Variants in DNAH1 observed in about 807,000 individuals in gnomAD.
DNAH1 encodes axonemal beta dynein heavy chain 1.
In DNAH1, 327 loss-of-function variants were observed where a neutral mutation model predicts 484.3. The ratio of observed to expected loss-of-function variants is 0.68; its 90% CI spans 0.62 to 0.74. The LOEUF is 0.74. Among genes scored for constraint, DNAH1 ranks in the 30% least tolerant of loss-of-function variants. The pLI, the probability that DNAH1 is intolerant of heterozygous loss-of-function variation, is 0.00. For missense variants in DNAH1, 5,052 were observed against 5,546.8 expected (o/e 0.91, Z 2.83); for synonymous variants, 2,192 against 2,191.9 (o/e 1.00, Z 0.00).
At chr3:52,369,696 C>A in intron 37 of DNAH1, 129 bp from the exon 38 acceptor site, 1 of 997,540 alleles carries the variant, frequency 1.0e-6, no homozygotes, top group Non-Finnish European at 1.5e-6. Flanking sequence ...CCCAGCACTG[C>A]CCCTGCCCCA....
At position 52,353,110 on chromosome 3, in the gene DNAH1, A is replaced by G; in HGVS notation, c.3035A>G (p.Lys1012Arg). The G allele has an allele frequency of 1.2e-6, 2 of 1,612,916 alleles. No individual in the cohort carries two copies. Among genetic ancestry groups the G allele is most frequent in the Non-Finnish European group, 1.7e-6 (2 of 1,179,260 alleles). ...IFSLPITNYD[K>R]LSRMVKEFQP... ...GCCCTCCTGTCCCTGCAGTATGACA[A>G]GCTCTCCAGGATGGTGAAGGAGTTC... Residue 1012 changes from lysine to arginine, a missense_variant, in exon 19 of 78, where the codon AAG (lysine) becomes AGG (arginine). Lys to Arg is a conservative substitution (Grantham distance 26). Transcript: ENST00000420323. The surrounding 1 kb of genome is among the most constrained non-coding windows in gnomAD (Gnocchi z 5.0).
Position 52,347,934 on chromosome 3 carries a change from A to G in DNAH1, c.2066A>G (p.Lys689Arg), listed in dbSNP as rs1025506616. 25 of 1,610,874 alleles carry G rather than the reference A, an allele frequency of 1.6e-5. No individual in the cohort carries two copies. Among genetic ancestry groups the G allele is most frequent in the Non-Finnish European group, 2.0e-5 (24 of 1,178,670 alleles). Residue 689 changes from lysine to arginine, a missense_variant, in exon 12 of 78, where the codon AAG becomes AGG. By Grantham distance (26) the Lys-to-Arg change is conservative. Transcript: ENST00000420323. ...GCATCTCTGCTGAACCTCTTCGACA[A>G]GGGCATCCTGGCCACCCATGCCGTG... ...FEASLLNLFD[K>R]GILATHAVPQ...
chr3:52,335,388 A>G (rs1187354697), intron 8 of DNAH1, among the ~76,000 whole-genome samples: 1 of 141,324 alleles, frequency 7.1e-6, no homozygotes, highest in East Asian at 2.0e-4. Flanking sequence ...TTTTTAAACA[A>G]AAAAAGCAAT....
At chr3:52,370,346 A>G in intron 39 of DNAH1, 117 bp downstream of exon 39, 1 of 1,530,990 alleles carries the variant, frequency 6.5e-7, no homozygotes, top group Non-Finnish European at 8.9e-7. Flanking sequence ...AACATGGACA[A>G]GACCACCTGT....
intron 15 of DNAH1, 57 bp from the exon 16 acceptor site, chr3:52,350,451 G>C: frequency 1.9e-6 from 3 of 1,545,522 alleles, no homozygotes; most frequent in Non-Finnish European, 2.7e-6. Context: ...GCCAGGTTCC[G>C]ATTACCCACC....
Position 52,389,541 on chromosome 3 carries a change from G to A in DNAH1, c.9576G>A (p.Thr3192=), listed in dbSNP as rs891092337. Residue 3192 remains threonine (T), a synonymous_variant, in exon 60 of 78, where the codon ACG becomes ACA. Transcript: ENST00000420323. ...ATGTCCCACACACCTCCGAGCCCAC[G>A]CTAATCGGGACGCTGGGGAACCCTG... ...SHNVPHTSEP[T]LIGTLGNPVK... The A allele has an allele frequency of 3.8e-6, 6 of 1,569,408 alleles. No homozygotes were observed. Among genetic ancestry groups the A allele is most frequent in the Admixed American group, 1.9e-5 (1 of 53,050 alleles).
chr3:52,347,956 C>T lies in DNAH1; in HGVS notation c.2088C>T (p.Ala696=), dbSNP rs1183792020. The stretch of plus-strand genomic sequence containing the variant: ...ACAAGGGCATCCTGGCCACCCATGC[C>T]GTGCCCCAGCTGGAGAAGGTACGTG... The part of the protein sequence containing the change: ...LFDKGILATH[A]VPQLEKLVME... Residue 696 remains alanine, a synonymous_variant, in exon 12 of 78, where the codon GCC becomes GCT. Transcript: ENST00000420323. 8.1e-6 allele frequency: 13 copies of T among 1,609,776 alleles called. No individual in the cohort carries two copies. The highest frequency in any genetic ancestry group is 5.6e-5 in the South Asian group (5 of 90,002).
In DNAH1 at chr3:52,398,117, T is replaced by C. The variant is rs1234783071; in HGVS notation, c.12044T>C (p.Leu4015Pro). 1.9e-6 allele frequency: 3 copies of C among 1,613,780 alleles called. No homozygotes were observed. The highest frequency in any genetic ancestry group is 2.5e-6 in the Non-Finnish European group (3 of 1,179,852). The change falls in exon 75 of 78, where the codon CTG becomes CCG. Residue 4015 changes from leucine to proline, a missense_variant. By Grantham distance (98) the Leu-to-Pro change is moderately conservative (BLOSUM62 -3). Coordinates refer to ENST00000420323, the MANE Select transcript of DNAH1 (RefSeq NM_015512.5). ...LQWVMAKYPV[L>P]YEESMNTVLV... ...TGGGTGATGGCCAAGTACCCAGTGC[T>C]GTATGAGGAATCAATGAACACAGTA...
rs1466221701 is a variant in DNAH1, at chr3:52,360,419, C to T, written c.4680C>T (p.Thr1560=). 13 of 1,612,834 alleles carry T rather than the reference C, an allele frequency of 8.1e-6. No individual in the cohort carries two copies. Among genetic ancestry groups the T allele is most frequent in the African/African-American group, 4.0e-5 (3 of 74,908 alleles). The part of the protein sequence containing the change: ...NSGRLVITPL[T]DRCYLTLTGA... Reference sequence around the variant, plus strand: ...GGAGGCTGGTGATCACGCCCCTCACCGACAGGTAAGCGTTCCCCTCTTGCT... The same window carrying T: ...GGAGGCTGGTGATCACGCCCCTCACTGACAGGTAAGCGTTCCCCTCTTGCT... Residue 1560 remains threonine, a synonymous_variant, in exon 28 of 78, where the codon ACC becomes ACT. Coordinates refer to ENST00000420323, the MANE Select transcript of DNAH1 (RefSeq NM_015512.5).
rs377116066 is a variant in DNAH1, at chr3:52,361,076, G to A, written c.4686-88G>A. 8 of 1,262,002 alleles carry A rather than the reference G, an allele frequency of 6.3e-6. No homozygotes were observed. Among genetic ancestry groups the A allele is most frequent in the South Asian group, 2.2e-5 (1 of 44,552 alleles). 78.2% of individuals were successfully genotyped at this position (1,262,002 alleles called of 1,614,324 possible). ...CCAGCCCACCAAAAGGGGACGGGGC[G>A]AGAGGCCCCAGTCCACAGGAAATTC... is the stretch of plus-strand genomic sequence containing the variant. On this transcript the variant is annotated intron_variant, in intron 28 of 77. Transcript: ENST00000420323. This position sits in a 1 kb window ranked among gnomAD's most constrained non-coding sequence, Gnocchi z 5.6.
At position 52,326,196 on chromosome 3, in the gene DNAH1, G is replaced by A. The variant is rs549687186; in HGVS notation, c.463G>A (p.Gly155Arg). 7.4e-6 allele frequency: 12 copies of A among 1,612,778 alleles called. No homozygotes were observed. The Admixed American group carries it at 8.3e-5, about 11-fold the overall frequency. ...FQERMEQQCIGSTTRLLAQTD... is the reference protein window; with the variant it reads ...FQERMEQQCIRSTTRLLAQTD... ...GGAGCGCATGGAGCAGCAGTGCATC[G>A]GGTCCACCACCCGGCTGCTCGCCCA... The change falls in exon 4 of 78, where the codon GGG (glycine) becomes AGG (arginine). Residue 155 changes from glycine (G) to arginine (R), a missense_variant. Physicochemically the swap from Gly to Arg is moderately radical, Grantham distance 125. This residue lies in a region of DNAH1 where 1,263 missense variants were observed against 1,218.8 expected (regional missense o/e 1.04). Coordinates refer to ENST00000420323, the MANE Select transcript of DNAH1 (RefSeq NM_015512.5).
chr3:52,372,208 G>A lies in DNAH1; in HGVS notation c.6667-19G>A. Reference sequence around the variant, plus strand: ...CACCAGGCCCACCGCATGCTCCTGTGCCATCCCCGCTCTGCCAGGTGCTGT... The same window carrying A: ...CACCAGGCCCACCGCATGCTCCTGTACCATCCCCGCTCTGCCAGGTGCTGT... On this transcript the variant is annotated intron_variant, in intron 42 of 77. Coordinates refer to ENST00000420323, the MANE Select transcript of DNAH1 (RefSeq NM_015512.5). The A allele has an allele frequency of 6.2e-7, 1 of 1,613,348 alleles. No homozygotes were observed. The highest frequency in any genetic ancestry group is 8.5e-7 in the Non-Finnish European group (1 of 1,179,664).
At chr3:52,359,429 A>G (rs1291822551) in intron 26 of DNAH1, 43 bp downstream of exon 26, 3 of 1,554,064 alleles carry the variant, frequency 1.9e-6, no homozygotes, top group East Asian at 2.4e-5. Context: ...TCCACCCCCT[A>G]CATGGCACAG....
At chr3:52,359,169 C>G in intron 25 of DNAH1, 77 bp from the exon 26 acceptor site, 1 of 1,522,430 alleles carries the variant, frequency 6.6e-7, no homozygotes, top group Non-Finnish European at 8.8e-7. Flanking sequence ...AGAGCACAGA[C>G]AGCATTCAGA....
In DNAH1 at chr3:52,392,866, A is replaced by G. The variant is rs768978466; in HGVS notation, c.10315A>G (p.Ile3439Val). The change falls in exon 65 of 78, where the codon ATC becomes GTC. Residue 3439 changes from isoleucine to valine, a missense_variant. By Grantham distance (29) the Ile-to-Val change is conservative. Around this residue, in one of 4 missense-constraint regions of DNAH1, gnomAD observed 2,929 missense variants for 3,409.4 expected, o/e 0.86. Transcript: ENST00000420323. ...VRIAEQTEKD[I>V]DLTRMEYIPV... ...GATTGCAGAGCAGACGGAGAAGGACATCGACCTGACGCGCATGGAGTACAT... is the reference window on the plus strand; with the variant it reads ...GATTGCAGAGCAGACGGAGAAGGACGTCGACCTGACGCGCATGGAGTACAT... 8 of 1,569,198 alleles carry G rather than the reference A, an allele frequency of 5.1e-6. No individual in the cohort carries two copies. The highest frequency in any genetic ancestry group is 2.2e-5 in the South Asian group (2 of 90,284).
rs747191132 is a variant in DNAH1 at position 52,349,228 on chromosome 3, G to A, written c.2334G>A (p.Glu778=). The A allele has an allele frequency of 3.1e-6, 5 of 1,613,860 alleles. No individual in the cohort carries two copies. The South Asian group carries it at 5.5e-5, about 18-fold the overall frequency. ...TYQTQGLLAQ[E]VREVVLTHLR... ...AGACGCAGGGCCTGTTGGCCCAGGA[G>A]GTGCGGGAGGTAGTGCTCACCCACC... is the stretch of plus-strand genomic sequence containing the variant. Residue 778 remains glutamate, a synonymous_variant, in exon 14 of 78, where the codon GAG becomes GAA. Transcript: ENST00000420323.
At position 52,370,213 on chromosome 3, in the gene DNAH1, C is replaced by T. The variant is rs865921224; in HGVS notation, c.6242C>T (p.Pro2081Leu). The T allele has an allele frequency of 6.2e-7, 1 of 1,613,800 alleles. No individual in the cohort carries two copies. Among genetic ancestry groups the T allele is most frequent in the African/African-American group, 1.3e-5 (1 of 74,932 alleles). ...AAGCTGCTGGACTGCTTCTTCAAGC[C>T]CTTTCTGCCTAGAGAGGTACAGCCC... ...LLKLLDCFFK[P>L]FLPREGLKKI... Residue 2081 changes from proline to leucine, a missense_variant, in exon 39 of 78, where the codon CCC becomes CTC. By Grantham distance (98) the Pro-to-Leu change is moderately conservative. Coordinates refer to ENST00000420323, the MANE Select transcript of DNAH1 (RefSeq NM_015512.5).
At chr3:52,398,549 A>G (rs1002619149) in intron 75 of DNAH1, among the ~76,000 whole-genome samples, 5 of 152,162 alleles carry the variant, frequency 3.3e-5, no homozygotes, top group Admixed American at 6.5e-5. Context: ...CGGCCTCCCA[A>G]AGTGCTGGGA....
intron 52 of DNAH1, 126 bp from the exon 53 acceptor site, chr3:52,384,660 T>C (rs1306184858): frequency 2.1e-6 from 2 of 952,372 alleles, no homozygotes; most frequent in South Asian, 1.8e-5. Context: ...ATAGAGTGAA[T>C]GTGAGAGGCA....
Sources: gnomAD v4.1 joint callset for allele counts (sites outside exome capture counted in the v4.1 genomes callset) on GRCh38, gnomAD v4.1.1 for gene constraint, gnomAD v4.1.1 regional missense constraint, Gnocchi (gnomAD v3.1) non-coding constraint, MANE v1.5 for transcripts, NCBI Gene and HGNC (gene_info 2026-07-23, HGNC 2026-07-21) for gene names.